SCNN1B: variants seen among roughly 807,000 people sequenced by gnomAD.
The protein encoded by SCNN1B is sodium channel epithelial 1 subunit beta, also known as epithelial sodium channel subunit beta.
Under a neutral mutation model 65.3 loss-of-function variants are expected in SCNN1B, and 46 were observed. That is an observed-to-expected ratio of 0.70 (90% CI 0.56 to 0.90). The LOEUF (loss-of-function observed/expected upper bound fraction) is 0.90. Ranked by LOEUF, SCNN1B falls within the 40% of genes least tolerant of loss-of-function variation. The pLI is 0.00. For missense variants in SCNN1B, 751 were observed against 830.5 expected, an observed-to-expected ratio of 0.90 and a Z score of 1.18; for synonymous variants, 349 against 330.6, an observed-to-expected ratio of 1.06 and a Z score of -0.60.
At chr16:23,287,870 C>T (rs1960872400) in intron 2 of SCNN1B, among the ~76,000 whole-genome samples, 2 of 149,474 alleles carry the variant, frequency 1.3e-5, no homozygotes, top group South Asian at 4.2e-4. Flanking sequence ...TCTCCAAACT[C>T]CTGGGTTGAA....
chr16:23,359,750 G>A (rs2037477226), intron 4 of SCNN1B, among the ~76,000 whole-genome samples: 1 of 152,222 alleles, frequency 6.6e-6, no homozygotes, highest in Admixed American at 6.5e-5. Flanking sequence ...GTATGTGACT[G>A]GGCATGCTAC....
chr16:23,315,693 A>G (rs1053392847), intron 1 of SCNN1B, among the ~76,000 whole-genome samples: 5 of 152,010 alleles, frequency 3.3e-5, no homozygotes, highest in African/African-American at 9.7e-5. Context: ...AGTCTCAGCT[A>G]CTTGGAAGGC....
intron 2 of SCNN1B, among the ~76,000 whole-genome samples, chr16:23,284,678 A>G (rs1960827188): frequency 2.0e-5 from 3 of 152,200 alleles, no homozygotes; most frequent in Non-Finnish European, 4.4e-5. Context: ...AAAAGCATGG[A>G]GTGAACCAGT....
chr16:23,378,467 G>C lies in SCNN1B; in HGVS notation c.1405-239G>C, dbSNP rs111414907. On this transcript the variant is annotated intron_variant, in intron 10 of 12. Transcript: ENST00000343070. ...AAGTGTGAGGACCAGAGGTGGGAGA[G>C]AGCCGGGCAGGGTGGCCAGGCCCGC... Among the ~76,000 whole-genome samples, 1,458 of 152,302 alleles carry C rather than the reference G, an allele frequency of 9.6e-3. 20 individuals carry two copies. Among genetic ancestry groups the C allele is most frequent in the African/African-American group, 0.032 (1,345 of 41,568 alleles).
chr16:23,342,272 AGTTTCACTCTTGACACC>A (rs549159312), intron 1 of SCNN1B, among the ~76,000 whole-genome samples: 203 of 152,330 alleles, frequency 1.3e-3, no homozygotes, highest in Middle Eastern at 6.8e-3. Flanking sequence ...GTTGAGACAG[AGTTTCACTCTTGACACC>A]CAGGCTGGAG....
chr16:23,299,508 G>C (rs374900346), upstream of SCNN1B, among the ~76,000 whole-genome samples: 43 of 152,184 alleles, frequency 2.8e-4, no homozygotes, highest in South Asian at 8.3e-4. Flanking sequence ...AAACTGTGAG[G>C]TCAAAATCAC....
chr16:23,294,736 T>C (rs996943700), intron 2 of SCNN1B, among the ~76,000 whole-genome samples: 10 of 152,142 alleles, frequency 6.6e-5, no homozygotes, highest in Admixed American at 5.2e-4. Context: ...CTCATGCCTG[T>C]TATCCCATCA....
chr16:23,333,188 A>G (rs1961861532), intron 1 of SCNN1B, among the ~76,000 whole-genome samples: 2 of 136,778 alleles, frequency 1.5e-5, no homozygotes, highest in African/African-American at 2.9e-5. Flanking sequence ...GAAGGAAGGA[A>G]GGAAGGAAGG....
chr16:23,305,544 ATAT>A (rs1961182853), intron 1 of SCNN1B, among the ~76,000 whole-genome samples: 1 of 30,640 alleles, frequency 3.3e-5, no homozygotes, highest in Non-Finnish European at 4.7e-5. Flanking sequence ...TTATATATAT[ATAT>A]ATATATATAT....
intron 1 of SCNN1B, among the ~76,000 whole-genome samples, chr16:23,331,612 G>A (rs565734614): frequency 3.3e-5 from 5 of 152,136 alleles, no homozygotes; most frequent in African/African-American, 1.2e-4. Flanking sequence ...GAGCCACCAC[G>A]CCCGGCCTCC....
chr16:23,343,656 A>AAAGGAAGG (rs201610085), intron 1 of SCNN1B, among the ~76,000 whole-genome samples: 7 of 115,908 alleles, frequency 6.0e-5, no homozygotes, highest in Non-Finnish European at 9.0e-5. Flanking sequence ...AGAAAAAAAG[A>AAAGGAAGG]AAGGAAGGAA....
At chr16:23,321,411 C>T (rs923672102) in intron 1 of SCNN1B, among the ~76,000 whole-genome samples, 2 of 152,048 alleles carry the variant, frequency 1.3e-5, no homozygotes, top group Admixed American at 6.6e-5. Flanking sequence ...CTGAAGGCCC[C>T]GCCTGTGAGT....
rs769556689 is a variant in SCNN1B, at chr16:23,378,711, G to A, written c.1410G>A (p.Trp470Ter). The change falls in exon 11 of 13, where the codon TGG becomes TGA. Residue 470 changes from tryptophan (W) to a stop codon, truncating the protein, a stop_gained. Transcript: ENST00000343070. LOFTEE classifies it high-confidence loss of function. ...ADWPSEASED[W>*]IFHVLSQERD... is the part of the protein sequence containing the mutation. ...ACCACCTTCTTGGGTTCCAGGACTG[G>A]ATTTTCCACGTCTTGTCTCAGGAGC... 2 of 1,614,146 alleles carry A rather than the reference G, an allele frequency of 1.2e-6. No individual in the cohort carries two copies. Among genetic ancestry groups the A allele is most frequent in the Non-Finnish European group, 1.7e-6 (2 of 1,180,028 alleles).
At chr16:23,359,459 A>G (rs1268463963) in intron 4 of SCNN1B, 2 of 152,126 alleles carry the variant, frequency 1.3e-5, no homozygotes. Flanking sequence ...TAGCATAGAG[A>G]TCTCAGCCAA....
At chr16:23,339,786 C>T (rs1009053409) in intron 1 of SCNN1B, among the ~76,000 whole-genome samples, 3 of 152,058 alleles carry the variant, frequency 2.0e-5, no homozygotes, top group African/African-American at 7.2e-5. Flanking sequence ...CACGGAGTCT[C>T]AAACTCCTGA....
In SCNN1B at chr16:23,380,862, G is replaced by A. The variant is rs1014711748; in HGVS notation, c.*61G>A. 1.3e-6 allele frequency: 2 copies of A among 1,582,028 alleles called. No individual in the cohort carries two copies. The highest frequency in any genetic ancestry group is 2.7e-5 in the African/African-American group (2 of 74,306). On this transcript the variant is annotated 3_prime_UTR_variant, in exon 13 of 13. Transcript: ENST00000343070. This position sits in a 1 kb window ranked among gnomAD's most constrained non-coding sequence, Gnocchi z 5.4. ...CTGAGCAGCCAAGACTGTTGCCCGAGGCCTCACTGTATGGTGCCCTCTCCA... is the reference window on the plus strand; with the variant it reads ...CTGAGCAGCCAAGACTGTTGCCCGAAGCCTCACTGTATGGTGCCCTCTCCA...
intron 1 of SCNN1B, among the ~76,000 whole-genome samples, chr16:23,280,198 A>G (rs13336337): frequency 0.22 from 33,785 of 151,840 alleles, 3,944 homozygotes; most frequent in Middle Eastern, 0.3. Flanking sequence ...TTGAGAGGGA[A>G]GTATCATTTT....
intron 1 of SCNN1B, among the ~76,000 whole-genome samples, chr16:23,325,916 A>T (rs1236274410): frequency 1.6e-5 from 2 of 127,364 alleles, no homozygotes; most frequent in Non-Finnish European, 3.2e-5. Flanking sequence ...TAAATAAATA[A>T]ATAAATATAA....
At position 23,381,040 on chromosome 16, in the gene SCNN1B, T is replaced by C; in HGVS notation, c.*239T>C. 1.7e-6 allele frequency: 1 copy of C among 592,676 alleles called. No homozygotes were observed. Among genetic ancestry groups the C allele is most frequent in the Non-Finnish European group, 3.0e-6 (1 of 327,882 alleles). 36.7% of individuals were successfully genotyped at this position (592,676 alleles called of 1,614,324 possible). The stretch of plus-strand genomic sequence containing the variant: ...TTGTATCTTCACCTGGTTCCTACCC[T>C]CGTCCCTACCTGTCCTGATCCTGGT... On this transcript the variant is annotated 3_prime_UTR_variant, in exon 13 of 13. Transcript: ENST00000343070.
Sources: allele counts gnomAD v4.1 joint callset (sites outside exome capture counted in the v4.1 genomes callset), GRCh38; gene constraint gnomAD v4.1.1; non-coding constraint Gnocchi (gnomAD v3.1); transcripts MANE v1.5; gene names NCBI Gene and HGNC (gene_info 2026-07-23, HGNC 2026-07-21).